CDK19: variants seen among roughly 807,000 people sequenced by gnomAD.
The protein encoded by CDK19 is cyclin-dependent kinase 19.
Under a neutral mutation model 68.3 loss-of-function variants are expected in CDK19, and 20 were observed. That is an observed-to-expected ratio of 0.29 (90% CI 0.21 to 0.43). The LOEUF is 0.43. CDK19 is among the 20% of genes least tolerant of loss of function. The pLI is 1.00. For synonymous variants in CDK19, 221 were observed against 222.8 expected, an observed-to-expected ratio of 0.99 and a Z score of 0.07; for missense variants, 339 against 623.5, an observed-to-expected ratio of 0.54 and a Z score of 4.86.
At chr6:110,665,287 A>C (rs1272926416) in intron 4 of CDK19, among the ~76,000 whole-genome samples, 1 of 152,218 alleles carries the variant, frequency 6.6e-6, no homozygotes, top group African/African-American at 2.4e-5. Context: ...AGATGAGTGC[A>C]AGGCATATTT....
chr6:110,803,551 A>G (rs1782477422), intron 1 of CDK19, among the ~76,000 whole-genome samples: 1 of 152,236 alleles, frequency 6.6e-6, no homozygotes. Flanking sequence ...TGTAAGTAAG[A>G]CAAGATCAAA....
rs548612467 is a variant in CDK19, at chr6:110,763,661, C to T, written c.129-17460G>A. Among the ~76,000 whole-genome samples, 7 of 152,024 alleles carry T rather than the reference C, an allele frequency of 4.6e-5. No homozygotes were observed. The South Asian group carries it at 1.0e-3, about 23-fold the overall frequency. On this transcript the variant is annotated intron_variant, in intron 1 of 12. Transcript: ENST00000368911. ...AACTCCCAACCTCAGGTGAACCGCC[C>T]GCCTCGGACTCCCAAAGTGCTGGGA...
At chr6:110,636,237 T>C (rs1035399197) in intron 5 of CDK19, among the ~76,000 whole-genome samples, 2 of 152,168 alleles carry the variant, frequency 1.3e-5, no homozygotes, top group African/African-American at 4.8e-5. Flanking sequence ...TACCACAAGA[T>C]ATCCAAATAG....
In CDK19 at chr6:110,759,404, TAAAAA is replaced by T. The variant is rs1157889434; in HGVS notation, c.129-13208_129-13204del. Among the ~76,000 whole-genome samples, 36 of 57,194 alleles carry T rather than the reference TAAAAA, an allele frequency of 6.3e-4. No homozygotes were observed. In the South Asian group the frequency reaches 6.6e-3, roughly 11 times the overall value. 37.5% of individuals were successfully genotyped at this position (57,194 alleles called of 152,430 possible). ...TGGGCAACAGAGTGAGACTCCGTCT[TAAAAA>T]AAAAAAAAAAAAAAAAAAAATATAT... is the stretch of plus-strand genomic sequence containing the variant. On this transcript the variant is annotated intron_variant, in intron 1 of 12. Coordinates refer to ENST00000368911, the MANE Select transcript of CDK19 (RefSeq NM_015076.5).
intron 1 of CDK19, among the ~76,000 whole-genome samples, chr6:110,757,106 G>A (rs1352488329): frequency 1.3e-5 from 2 of 152,142 alleles, no homozygotes; most frequent in East Asian, 3.8e-4. Context: ...CACCAGGGTA[G>A]AAACAGACAA....
chr6:110,815,076 C>T lies in CDK19; in HGVS notation c.61G>A (p.Glu21Lys), dbSNP rs2115185727. 1.2e-6 allele frequency: 2 copies of T among 1,604,588 alleles called. No individual in the cohort carries two copies. The highest frequency in any genetic ancestry group is 1.7e-6 in the Non-Finnish European group (2 of 1,176,402). Reference sequence around the variant, plus strand: ...CGTCCCACTTTGCACCCTTCGTACTCAAACAAATCCTCCACCCGCTCCCGC... The same window carrying T: ...CGTCCCACTTTGCACCCTTCGTACTTAAACAAATCCTCCACCCGCTCCCGC... ...AERERVEDLF[E>K]YEGCKVGRGT... Residue 21 changes from glutamate to lysine, a missense_variant, in exon 1 of 13, where the codon GAG becomes AAG. Transcript: ENST00000368911.
intron 1 of CDK19, among the ~76,000 whole-genome samples, chr6:110,782,261 A>G (rs1405567910): frequency 6.6e-6 from 1 of 152,164 alleles, no homozygotes. Flanking sequence ...TGCCTGCTCA[A>G]ATGATGTCAC....
In CDK19 at chr6:110,613,697, GT is replaced by G. The variant is rs2114544376; in HGVS notation, c.*837del. The stretch of plus-strand genomic sequence containing the variant: ...TAGTGCAGTTGTTACTCTCTTCAGC[GT>G]TTTGGTGTGGGCCATCGAGACTGTA... On this transcript the variant is annotated 3_prime_UTR_variant, in exon 13 of 13. Transcript: ENST00000368911. 1 of 152,650 alleles carries G rather than the reference GT, an allele frequency of 6.6e-6. No individual in the cohort carries two copies. Among genetic ancestry groups the G allele is most frequent in the Admixed American group, 6.5e-5 (1 of 15,292 alleles). 9.5% of individuals were successfully genotyped at this position (152,650 alleles called of 1,614,324 possible). A position where few individuals can be genotyped will look rare whatever the true frequency, so the allele number is the denominator to read the frequency against.
intron 1 of CDK19, among the ~76,000 whole-genome samples, chr6:110,777,338 TCA>T (rs1296956219): frequency 3.3e-5 from 5 of 152,212 alleles, no homozygotes; most frequent in Admixed American, 6.5e-5. Context: ...ACTAAGTATT[TCA>T]GTTTTTTAAA....
chr6:110,697,637 C>A (rs1773593934), intron 2 of CDK19, among the ~76,000 whole-genome samples: 1 of 151,562 alleles, frequency 6.6e-6, no homozygotes, highest in Non-Finnish European at 1.5e-5. Context: ...CGTCATCATT[C>A]TTCACAGAAC....
intron 1 of CDK19, among the ~76,000 whole-genome samples, chr6:110,767,746 A>T (rs1583055882): frequency 6.6e-6 from 1 of 152,134 alleles, no homozygotes; most frequent in East Asian, 1.9e-4. Flanking sequence ...TGATCATTAC[A>T]CATTGTATAC....
At chr6:110,808,538 C>A (rs1782839971) in intron 1 of CDK19, among the ~76,000 whole-genome samples, 1 of 152,174 alleles carries the variant, frequency 6.6e-6, no homozygotes, top group African/African-American at 2.4e-5. Flanking sequence ...TATTTAGTAT[C>A]TGCCAGAAAA....
chr6:110,708,200 T>C (rs1042406828), intron 2 of CDK19, among the ~76,000 whole-genome samples: 1 of 152,156 alleles, frequency 6.6e-6, no homozygotes, highest in African/African-American at 2.4e-5. Flanking sequence ...CACTGGACAG[T>C]ACAGATACTT....
intron 2 of CDK19, among the ~76,000 whole-genome samples, chr6:110,699,053 CA>C (rs564638902): frequency 1.2e-3 from 135 of 108,758 alleles, no homozygotes; most frequent in Middle Eastern, 0.012. Context: ...GACCCTGTCT[CA>C]AAAAAAAAAA....
At chr6:110,690,113 C>T (rs1284809987) in intron 2 of CDK19, among the ~76,000 whole-genome samples, 2 of 149,660 alleles carry the variant, frequency 1.3e-5, no homozygotes, top group Admixed American at 1.3e-4. Context: ...TTCTATTCCC[C>T]CTCGTTCAAC....
intron 9 of CDK19, 21 bp from the exon 10 acceptor site, chr6:110,622,933 T>C (rs561408713): frequency 4.3e-6 from 6 of 1,402,784 alleles, no homozygotes; most frequent in East Asian, 4.6e-5. Context: ...ACACAGGAAA[T>C]GTACAGCACA....
chr6:110,724,111 T>C (rs1776149843), intron 2 of CDK19, among the ~76,000 whole-genome samples: 2 of 152,046 alleles, frequency 1.3e-5, no homozygotes, highest in Admixed American at 1.3e-4. Context: ...CCCAGCACTT[T>C]GGGAGGCCGA....
chr6:110,680,629 T>A (rs966426767), intron 2 of CDK19, among the ~76,000 whole-genome samples: 8 of 152,314 alleles, frequency 5.3e-5, no homozygotes, highest in Non-Finnish European at 8.8e-5. Flanking sequence ...AATAGCCACA[T>A]ATTGTAGCCT....
intron 3 of CDK19, 29 bp from the exon 4 acceptor site, chr6:110,667,603 T>C (rs766535599): frequency 2.4e-6 from 3 of 1,229,034 alleles, no homozygotes; most frequent in East Asian, 2.6e-5. Flanking sequence ...CATAATAATA[T>C]AGTCTTTGCT....
Sources: gnomAD v4.1 joint callset for allele counts (sites outside exome capture counted in the v4.1 genomes callset) on GRCh38, gnomAD v4.1.1 for gene constraint, MANE v1.5 for transcripts, NCBI Gene and HGNC (gene_info 2026-07-23, HGNC 2026-07-21) for gene names.